The following ATP8A2 variants were observed in gnomAD, a reference collection of about 807,000 sequenced individuals.
The protein encoded by ATP8A2 is phospholipid-transporting ATPase IB.
In ATP8A2, 100 loss-of-function variants were observed where a neutral mutation model predicts 165.6. The observed-to-expected ratio is 0.60, with a 90% CI of 0.51 to 0.71. ATP8A2 has a LOEUF of 0.71. Among genes scored for constraint, ATP8A2 ranks in the 30% least tolerant of loss-of-function variants. ATP8A2 has a pLI of 0.00. For missense variants in ATP8A2, 1,227 were observed against 1,479.5 expected (o/e 0.83, Z 2.80); for synonymous variants, 543 against 548.8 (o/e 0.99, Z 0.15).
chr13:25,602,688 T>C (rs1008737678), intron 24 of ATP8A2, among the ~76,000 whole-genome samples: 1 of 152,216 alleles, frequency 6.6e-6, no homozygotes, highest in Non-Finnish European at 1.5e-5. Flanking sequence ...GAACTCATCC[T>C]GTAGCAGTGT....
chr13:25,741,946 A>G (rs1453512658), intron 25 of ATP8A2, among the ~76,000 whole-genome samples: 1 of 152,206 alleles, frequency 6.6e-6, no homozygotes, highest in Non-Finnish European at 1.5e-5. Context: ...GGAGGTGCAA[A>G]TGTTCATTGA....
chr13:25,555,179 G>T (rs2038944465), intron 13 of ATP8A2, 111 bp downstream of exon 13: 9 of 738,278 alleles, frequency 1.2e-5, no homozygotes, highest in Admixed American at 2.2e-5. Context: ...CATGAACATG[G>T]CTAGAACATC....
intron 27 of ATP8A2, among the ~76,000 whole-genome samples, chr13:25,784,498 T>G (rs972475811): frequency 6.6e-6 from 1 of 152,224 alleles, no homozygotes; most frequent in African/African-American, 2.4e-5. Context: ...GGGGTGAATG[T>G]TACTTTTATT....
At chr13:25,937,637 C>G (rs1333681750) in intron 33 of ATP8A2, among the ~76,000 whole-genome samples, 2 of 150,970 alleles carry the variant, frequency 1.3e-5, no homozygotes, top group Non-Finnish European at 3.0e-5. Flanking sequence ...ATCACGAGGT[C>G]AGGAAATCAA....
chr13:25,930,186 C>T (rs9319257), intron 33 of ATP8A2, among the ~76,000 whole-genome samples: 1,604 of 152,268 alleles, frequency 0.011, 26 homozygotes, highest in African/African-American at 0.035. Flanking sequence ...ACTCTCCCCT[C>T]ACTTCTGCAC....
At chr13:25,476,437 C>T (rs948148233) in intron 2 of ATP8A2, among the ~76,000 whole-genome samples, 1 of 152,062 alleles carries the variant, frequency 6.6e-6, no homozygotes, top group African/African-American at 2.4e-5. Flanking sequence ...TACAGGCACC[C>T]GCCACCACGG....
intron 33 of ATP8A2, among the ~76,000 whole-genome samples, chr13:25,937,535 TC>T (rs1954939694): frequency 6.6e-6 from 1 of 151,184 alleles, no homozygotes; most frequent in South Asian, 2.1e-4. Context: ...AAGAAATACC[TC>T]GGGGCCTTTA....
intron 33 of ATP8A2, among the ~76,000 whole-genome samples, chr13:25,958,941 G>A (rs1050997987): frequency 6.6e-6 from 1 of 152,032 alleles, no homozygotes; most frequent in African/African-American, 2.4e-5. Flanking sequence ...TATTTACAGG[G>A]TACATTTGAG....
chr13:25,999,303 C>T (rs1165125974), intron 35 of ATP8A2, among the ~76,000 whole-genome samples: 1 of 152,134 alleles, frequency 6.6e-6, no homozygotes, highest in African/African-American at 2.4e-5. Flanking sequence ...TCTCAGTCTA[C>T]CAGCTCTCCA....
At chr13:25,611,654 C>T (rs2040690659) in intron 24 of ATP8A2, among the ~76,000 whole-genome samples, 1 of 152,042 alleles carries the variant, frequency 6.6e-6, no homozygotes, top group Admixed American at 6.6e-5. Flanking sequence ...GTGACACTGG[C>T]TTTATAGAAT....
chr13:25,467,108 C>CA (rs1262474505), intron 1 of ATP8A2, among the ~76,000 whole-genome samples: 2 of 152,186 alleles, frequency 1.3e-5, no homozygotes, highest in African/African-American at 2.4e-5. Context: ...AGTAGACGAC[C>CA]AAGCAGTGTC....
At chr13:25,489,553 T>C (rs974687165) in intron 2 of ATP8A2, among the ~76,000 whole-genome samples, 2 of 152,196 alleles carry the variant, frequency 1.3e-5, no homozygotes, top group Non-Finnish European at 2.9e-5. Flanking sequence ...TCATCCTTGA[T>C]GACAAAGTCT....
chr13:25,941,488 T>C (rs1179039518), intron 33 of ATP8A2, among the ~76,000 whole-genome samples: 8 of 152,258 alleles, frequency 5.3e-5, no homozygotes, highest in African/African-American at 1.9e-4. Flanking sequence ...CTGGCTGCAA[T>C]GCTCTTCTTA....
In ATP8A2 at chr13:25,805,065, G is replaced by C. The variant is rs371420247; in HGVS notation, c.2680-23053G>C. Among the ~76,000 whole-genome samples, 5 of 152,148 alleles carry C rather than the reference G, an allele frequency of 3.3e-5. No homozygotes were observed. In the East Asian group the frequency reaches 5.8e-4, roughly 18 times the overall value. On this transcript the variant is annotated intron_variant, in intron 27 of 36. Transcript: ENST00000381655. ...ATTAATTTTCAGTCTATGTATTTTC[G>C]GTGCTTTGCTAAGAGTTTTGTTAAA... is the stretch of plus-strand genomic sequence containing the variant.
At position 25,857,486 on chromosome 13, in the gene ATP8A2, C is replaced by T. The variant is rs566380477; in HGVS notation, c.2957-2709C>T. The stretch of plus-strand genomic sequence containing the variant: ...AACTCCGGAGCTCAAGCAATCCTCC[C>T]ACCGCAAGCCTCCCAAGTAGCTGGG... On this transcript the variant is annotated intron_variant, in intron 30 of 36. Transcript: ENST00000381655. Among the ~76,000 whole-genome samples the T allele has an allele frequency of 5.1e-4, 77 of 152,156 alleles. 1 individual carries two copies. Among genetic ancestry groups the T allele is most frequent in the African/African-American group, 1.8e-3 (75 of 41,516 alleles).
At chr13:25,816,397 G>A (rs1178941441) in intron 27 of ATP8A2, among the ~76,000 whole-genome samples, 3 of 152,110 alleles carry the variant, frequency 2.0e-5, no homozygotes, top group Non-Finnish European at 4.4e-5. Context: ...CTAGGCTTTT[G>A]TACAAGTTGT....
chr13:25,428,586 G>T (rs1174199659), intron 1 of ATP8A2, among the ~76,000 whole-genome samples: 3 of 152,162 alleles, frequency 2.0e-5, no homozygotes, highest in Non-Finnish European at 4.4e-5. Flanking sequence ...GAGTCAAGAG[G>T]AGCCTCTGAG....
intron 25 of ATP8A2, among the ~76,000 whole-genome samples, chr13:25,752,649 A>G (rs540160477): frequency 2.4e-4 from 37 of 152,026 alleles, no homozygotes; most frequent in Non-Finnish European, 4.7e-4. Flanking sequence ...GGGTCTCACT[A>G]TGTTGCCCAG....
At position 25,372,311 on chromosome 13, in the gene ATP8A2, AG is replaced by A; in HGVS notation, c.76+26del. On this transcript the variant is annotated intron_variant, in intron 1 of 36. Coordinates refer to ENST00000381655, the MANE Select transcript of ATP8A2 (RefSeq NM_016529.6). This position sits in a 1 kb window ranked among gnomAD's most constrained non-coding sequence, Gnocchi z 4.8. ...TGGGTGAGCTGGGAGGGGCGCGGCG[AG>A]GGAGGGTGGGCCCGGGGCGGGGGCG... The A allele has an allele frequency of 1.7e-6, 1 of 579,864 alleles. No homozygotes were observed. Among genetic ancestry groups the A allele is most frequent in the Non-Finnish European group, 2.7e-6 (1 of 366,422 alleles). The allele number at this position is 579,864 out of a possible 1,614,324, so 35.9% of individuals were successfully genotyped here. A position where few individuals can be genotyped will look rare whatever the true frequency, so the allele number is the denominator to read the frequency against.
Sources: gnomAD v4.1 joint callset for allele counts (sites outside exome capture counted in the v4.1 genomes callset) on GRCh38, gnomAD v4.1.1 for gene constraint, Gnocchi (gnomAD v3.1) non-coding constraint, MANE v1.5 for transcripts, NCBI Gene and HGNC (gene_info 2026-07-23, HGNC 2026-07-21) for gene names.